Variants in KCNH1 observed in about 807,000 individuals in gnomAD.
KCNH1 encodes the protein potassium voltage-gated channel subfamily H member 1, also known as voltage-gated delayed rectifier potassium channel KCNH1.
In KCNH1, 27 loss-of-function variants were observed where a neutral mutation model predicts 69.2. That is an observed-to-expected ratio of 0.39 (90% CI 0.29 to 0.54). The LOEUF is 0.54. KCNH1 is among the 20% of genes least tolerant of loss of function. KCNH1 has a pLI of 0.68. For synonymous variants in KCNH1, 456 were observed against 487.7 expected (o/e 0.93, Z 0.86); for missense variants, 798 against 1,261.6 (o/e 0.63, Z 5.57).
chr1:210,810,654 T>C (rs1467006876), intron 7 of KCNH1, among the ~76,000 whole-genome samples: 2 of 152,204 alleles, frequency 1.3e-5, no homozygotes, highest in Non-Finnish European at 2.9e-5. Flanking sequence ...CCATGAGATT[T>C]TTTTCATTGT....
chr1:210,747,306 A>T (rs768641309), intron 10 of KCNH1, among the ~76,000 whole-genome samples: 1 of 152,056 alleles, frequency 6.6e-6, no homozygotes, highest in South Asian at 2.1e-4. Context: ...CCCTCTGCCA[A>T]CCTGGGTTGT....
chr1:210,828,672 C>T (rs892073906), intron 7 of KCNH1, among the ~76,000 whole-genome samples: 3 of 152,174 alleles, frequency 2.0e-5, no homozygotes, highest in Admixed American at 2.0e-4. Context: ...ATGTAGTAGG[C>T]ACTCAACAAA....
At chr1:211,079,744 A>C (rs1690815427) in intron 5 of KCNH1, among the ~76,000 whole-genome samples, 1 of 152,198 alleles carries the variant, frequency 6.6e-6, no homozygotes, top group Non-Finnish European at 1.5e-5. Context: ...AGATGCAGAA[A>C]AGGCCTTCAA....
Position 211,019,163 on chromosome 1 carries a change from T to C in KCNH1, c.652A>G (p.Thr218Ala), listed in dbSNP as rs200444441. The C allele has an allele frequency of 6.2e-6, 10 of 1,613,874 alleles. No homozygotes were observed. The Admixed American group carries it at 6.7e-5, about 11-fold the overall frequency. ...ATCAAGATGATCCAATCCCACGTGGTCTTAAAAACACAATAATGTAAGATG... is the reference window on the plus strand; with the variant it reads ...ATCAAGATGATCCAATCCCACGTGGCCTTAAAAACACAATAATGTAAGATG... ...HIILHYCVFKTTWDWIILILT... is the reference protein window; with the variant it reads ...HIILHYCVFKATWDWIILILT... Residue 218 changes from threonine to alanine, a missense_variant, in exon 6 of 11, where the codon ACC (threonine) becomes GCC (alanine). Physicochemically the swap from Thr to Ala is moderately conservative, Grantham distance 58. This residue lies in a region of KCNH1 where 266 missense variants were observed against 457.2 expected (regional missense o/e 0.58). Transcript: ENST00000271751.
chr1:210,916,293 G>A (rs955534558), intron 7 of KCNH1, among the ~76,000 whole-genome samples: 1 of 152,220 alleles, frequency 6.6e-6, no homozygotes, highest in Non-Finnish European at 1.5e-5. Flanking sequence ...GCCAAGTGCA[G>A]TAACTTTCTT....
intron 6 of KCNH1, among the ~76,000 whole-genome samples, chr1:210,997,846 G>C (rs1477717323): frequency 6.6e-6 from 1 of 152,180 alleles, no homozygotes; most frequent in Non-Finnish European, 1.5e-5. Context: ...GAAGAGAGTG[G>C]GGGCCGATAT....
intron 5 of KCNH1, among the ~76,000 whole-genome samples, chr1:211,030,465 T>C (rs1356631344): frequency 6.6e-6 from 1 of 152,026 alleles, no homozygotes; most frequent in Non-Finnish European, 1.5e-5. Flanking sequence ...ACAAATATAC[T>C]CAACTAATTT....
intron 6 of KCNH1, among the ~76,000 whole-genome samples, chr1:211,002,203 TA>T (rs999578201): frequency 1.3e-5 from 2 of 151,224 alleles, no homozygotes; most frequent in Non-Finnish European, 2.9e-5. Flanking sequence ...ATAATAATAA[TA>T]AAAAAAGAAT....
At chr1:210,916,378 A>T (rs537753336) in intron 7 of KCNH1, among the ~76,000 whole-genome samples, 1 of 152,344 alleles carries the variant, frequency 6.6e-6, no homozygotes, top group Non-Finnish European at 1.5e-5. Flanking sequence ...CTGAAAAATG[A>T]CTTGTTTCCT....
At chr1:210,724,271 A>G (rs554103131) in intron 10 of KCNH1, among the ~76,000 whole-genome samples, 40 of 152,296 alleles carry the variant, frequency 2.6e-4, no homozygotes, top group African/African-American at 9.1e-4. Context: ...TATTAAGCCA[A>G]TTAAATCAGA....
At chr1:211,014,334 G>T (rs1446382984) in intron 6 of KCNH1, among the ~76,000 whole-genome samples, 1 of 152,148 alleles carries the variant, frequency 6.6e-6, no homozygotes, top group Admixed American at 6.5e-5. Flanking sequence ...CTAAGCTTTA[G>T]TTCGCTCTGT....
At chr1:210,813,761 C>G (rs990659254) in intron 7 of KCNH1, among the ~76,000 whole-genome samples, 2 of 152,190 alleles carry the variant, frequency 1.3e-5, no homozygotes, top group Non-Finnish European at 2.9e-5. Flanking sequence ...TGTGTCCTCA[C>G]CCAAATCTCA....
At chr1:210,810,342 T>C (rs1002371644) in intron 7 of KCNH1, among the ~76,000 whole-genome samples, 6 of 152,220 alleles carry the variant, frequency 3.9e-5, no homozygotes, top group African/African-American at 1.4e-4. Flanking sequence ...TACAAGGTTC[T>C]GAAAATTCGT....
intron 10 of KCNH1, among the ~76,000 whole-genome samples, chr1:210,691,721 C>T (rs1681531088): frequency 6.6e-6 from 1 of 152,134 alleles, no homozygotes; most frequent in Non-Finnish European, 1.5e-5. Flanking sequence ...ACCGAGATTC[C>T]CAGAGGATTT....
intron 6 of KCNH1, among the ~76,000 whole-genome samples, chr1:210,928,040 C>T (rs1461997800): frequency 1.3e-5 from 2 of 152,096 alleles, no homozygotes; most frequent in South Asian, 2.1e-4. Context: ...GCACCTAAAA[C>T]TGGATCTCCC....
intron 7 of KCNH1, among the ~76,000 whole-genome samples, chr1:210,904,122 T>C (rs1687048960): frequency 6.6e-6 from 1 of 152,220 alleles, no homozygotes; most frequent in African/African-American, 2.4e-5. Context: ...TGCAATATAA[T>C]GCCAAGTACT....
At chr1:210,687,294 G>C (rs2149003037) in intron 10 of KCNH1, among the ~76,000 whole-genome samples, 1 of 152,348 alleles carries the variant, frequency 6.6e-6, no homozygotes, top group South Asian at 2.1e-4. Flanking sequence ...TTGTCACCCA[G>C]AGGCCCCATG....
chr1:210,961,605 C>T (rs144385396), intron 6 of KCNH1, among the ~76,000 whole-genome samples: 2,913 of 152,172 alleles, frequency 0.019, 96 homozygotes, highest in African/African-American at 0.067. Context: ...CTTTGGGAGG[C>T]CAAGGCGGGT....
intron 6 of KCNH1, among the ~76,000 whole-genome samples, chr1:210,991,632 CAT>C (rs1295194510): frequency 6.9e-6 from 1 of 145,022 alleles, no homozygotes; most frequent in Admixed American, 6.9e-5. Context: ...CACACACACA[CAT>C]AACACATACA....
Sources: gnomAD v4.1 joint callset for allele counts (sites outside exome capture counted in the v4.1 genomes callset) on GRCh38, gnomAD v4.1.1 for gene constraint, gnomAD v4.1.1 regional missense constraint, MANE v1.5 for transcripts, NCBI Gene and HGNC (gene_info 2026-07-23, HGNC 2026-07-21) for gene names.